The following MALRD1 variants were observed in gnomAD, a reference collection of about 807,000 sequenced individuals.
MALRD1 encodes MAM and LDL receptor class A domain containing 1.
A neutral mutation model predicts 242.1 loss-of-function variants in MALRD1; 247 were observed. That is an observed-to-expected ratio of 1.02 (90% CI 0.92 to 1.13). The LOEUF is 1.13. Ranked by LOEUF, MALRD1 falls within the 50% of genes most tolerant of loss-of-function variation. The pLI, the probability that MALRD1 is intolerant of heterozygous loss-of-function variation, is 0.00. For synonymous variants in MALRD1, 995 were observed against 866.6 expected, an observed-to-expected ratio of 1.15 and a Z score of -2.60; for missense variants, 2,989 against 2,533.1, an observed-to-expected ratio of 1.18 and a Z score of -3.86.
At chr10:19,203,667 C>G (rs185895719) in intron 14 of MALRD1, 61 bp from the exon 15 acceptor site, 1,328 of 1,445,464 alleles carry the variant, frequency 9.2e-4, no homozygotes, top group Non-Finnish European at 1.1e-3. Context: ...TGAGCTCTGC[C>G]TTTTCAAAGT....
chr10:19,487,179 TG>T (rs1837270991), intron 29 of MALRD1, among the ~76,000 whole-genome samples: 1 of 152,180 alleles, frequency 6.6e-6, no homozygotes, highest in Non-Finnish European at 1.5e-5. Flanking sequence ...ATAGAATATG[TG>T]AGATATCTTT....
chr10:19,651,108 C>G (rs1201085231), intron 36 of MALRD1, among the ~76,000 whole-genome samples: 1 of 152,184 alleles, frequency 6.6e-6, no homozygotes, highest in South Asian at 2.1e-4. Context: ...TACCATTTCT[C>G]TTCTTTTTCT....
intron 26 of MALRD1, among the ~76,000 whole-genome samples, chr10:19,363,954 A>T (rs1242904090): frequency 6.6e-6 from 1 of 152,148 alleles, no homozygotes; most frequent in Non-Finnish European, 1.5e-5. Context: ...GCAGTAAAAA[A>T]GAGACAGAGT....
chr10:19,615,713 C>T (rs1051361584), intron 35 of MALRD1, 144 bp from the exon 36 acceptor site: 2 of 630,324 alleles, frequency 3.2e-6, no homozygotes, highest in African/African-American at 3.7e-5. Context: ...GGAAAGTAGC[C>T]TATGGGAATT....
chr10:19,411,123 G>A (rs1038614491), intron 28 of MALRD1, among the ~76,000 whole-genome samples: 3 of 152,112 alleles, frequency 2.0e-5, no homozygotes, highest in Non-Finnish European at 4.4e-5. Context: ...TGAAAGAGTG[G>A]TTTTAAAATA....
intron 28 of MALRD1, among the ~76,000 whole-genome samples, chr10:19,429,291 C>T (rs1430239995): frequency 2.0e-5 from 3 of 151,386 alleles, no homozygotes; most frequent in Admixed American, 1.3e-4. Flanking sequence ...TCACTTAGGC[C>T]GGGCGTGGTG....
At chr10:19,358,202 G>GTGTGTGTGTGTGTGTT (rs1844723770) in intron 26 of MALRD1, among the ~76,000 whole-genome samples, 2 of 146,650 alleles carry the variant, frequency 1.4e-5, no homozygotes, top group Admixed American at 6.7e-5. Flanking sequence ...TCAAGTGTGT[G>GTGTGTGTGTGTGTGTT]TGTGTGTGTG....
intron 36 of MALRD1, among the ~76,000 whole-genome samples, chr10:19,657,253 TTACAC>T (rs1423731105): frequency 6.6e-6 from 1 of 152,190 alleles, no homozygotes; most frequent in Non-Finnish European, 1.5e-5. Flanking sequence ...AATCTGGCCT[TTACAC>T]TAATTGAATT....
intron 2 of MALRD1, among the ~76,000 whole-genome samples, chr10:19,073,331 T>C (rs1273479028): frequency 6.6e-6 from 1 of 152,180 alleles, no homozygotes; most frequent in Non-Finnish European, 1.5e-5. Flanking sequence ...ATTATTATTG[T>C]TAATTTTAAT....
At chr10:19,394,974 T>C (rs997398335) in intron 28 of MALRD1, among the ~76,000 whole-genome samples, 2 of 152,220 alleles carry the variant, frequency 1.3e-5, no homozygotes, top group African/African-American at 4.8e-5. Context: ...ATAATATAGG[T>C]GATTCATAGA....
intron 18 of MALRD1, among the ~76,000 whole-genome samples, chr10:19,234,567 A>G (rs1402260504): frequency 6.6e-6 from 1 of 152,128 alleles, no homozygotes; most frequent in Non-Finnish European, 1.5e-5. Context: ...CTTAAGCAGC[A>G]AAAGTGAACT....
chr10:19,416,676 C>A (rs148651636), intron 28 of MALRD1, among the ~76,000 whole-genome samples: 1 of 152,324 alleles, frequency 6.6e-6, no homozygotes, highest in African/African-American at 2.4e-5. Flanking sequence ...TATTCCTGCT[C>A]TTCTGCTGAA....
At chr10:19,096,453 T>C (rs1836037535) in intron 4 of MALRD1, among the ~76,000 whole-genome samples, 1 of 152,158 alleles carries the variant, frequency 6.6e-6, no homozygotes, top group African/African-American at 2.4e-5. Context: ...CTTAAAGGCT[T>C]TGCAAAAATT....
intron 2 of MALRD1, among the ~76,000 whole-genome samples, chr10:19,068,044 T>A (rs766841780): frequency 6.6e-6 from 1 of 152,174 alleles, no homozygotes; most frequent in Non-Finnish European, 1.5e-5. Flanking sequence ...GATTTAGTTA[T>A]GTTAGATGGT....
intron 24 of MALRD1, among the ~76,000 whole-genome samples, chr10:19,340,711 T>G (rs1843810885): frequency 6.6e-6 from 1 of 152,134 alleles, no homozygotes; most frequent in African/African-American, 2.4e-5. Context: ...TCTTTCACAA[T>G]TATTACAGAT....
chr10:19,430,174 GCA>G (rs1214543646), intron 28 of MALRD1, among the ~76,000 whole-genome samples: 1 of 138,234 alleles, frequency 7.2e-6, no homozygotes, highest in East Asian at 2.1e-4. Flanking sequence ...GAGTGCAGTG[GCA>G]CAGTCTTGGC....
At position 19,412,507 on chromosome 10, in the gene MALRD1, A is replaced by C. The variant is rs915926350; in HGVS notation, c.4845+22898A>C. Among the ~76,000 whole-genome samples, 4 of 152,220 alleles carry C rather than the reference A, an allele frequency of 2.6e-5. No homozygotes were observed. In the East Asian group the frequency reaches 7.7e-4, roughly 29 times the overall value. On this transcript the variant is annotated intron_variant, in intron 28 of 39. Transcript: ENST00000454679. ...TAACTAGAAAACCCAAATTTGTACA[A>C]GTGATTCAGTGGGGAATCCAAATGT...
chr10:19,134,545 A>G (rs926275208), intron 9 of MALRD1, among the ~76,000 whole-genome samples: 1 of 111,852 alleles, frequency 8.9e-6, no homozygotes, highest in South Asian at 2.6e-4. Flanking sequence ...GTGTAAGTTT[A>G]TTTATGCTGG....
intron 1 of MALRD1, chr10:19,052,182 T>A: frequency 2.6e-6 from 1 of 380,280 alleles, no homozygotes; most frequent in Non-Finnish European, 5.1e-6. Flanking sequence ...TAAACAGTAT[T>A]ACAGCAATTA....
Sources: gnomAD v4.1 joint callset for allele counts (sites outside exome capture counted in the v4.1 genomes callset) on GRCh38, gnomAD v4.1.1 for gene constraint, MANE v1.5 for transcripts, NCBI Gene and HGNC (gene_info 2026-07-23, HGNC 2026-07-21) for gene names.